Variants in VTI1A observed in about 807,000 individuals in gnomAD.
VTI1A encodes vesicle transport through interaction with t-SNAREs homolog 1A.
VTI1A carries 22 observed loss-of-function variants against 34.9 expected under a neutral mutation model. That is an observed-to-expected ratio of 0.63 (90% CI 0.45 to 0.90). The LOEUF is 0.90. Ranked by LOEUF, VTI1A falls within the 40% of genes least tolerant of loss-of-function variation. VTI1A has a pLI of 0.00. For synonymous variants in VTI1A, 87 were observed against 97.3 expected, an observed-to-expected ratio of 0.89 and a Z score of 0.62; for missense variants, 268 against 275.6, an observed-to-expected ratio of 0.97 and a Z score of 0.20.
chr10:112,502,538 A>C (rs995515440), intron 3 of VTI1A, among the ~76,000 whole-genome samples: 2 of 152,200 alleles, frequency 1.3e-5, no homozygotes, highest in African/African-American at 4.8e-5. Context: ...ACGTCTGCAG[A>C]TGTTTATGTG....
At chr10:112,720,636 T>A (rs1849770261) in intron 7 of VTI1A, among the ~76,000 whole-genome samples, 1 of 151,836 alleles carries the variant, frequency 6.6e-6, no homozygotes, top group Non-Finnish European at 1.5e-5. Context: ...AATGTATACG[T>A]TGAAGATGTT....
At chr10:112,516,874 A>G (rs1273168277) in intron 3 of VTI1A, among the ~76,000 whole-genome samples, 2 of 152,090 alleles carry the variant, frequency 1.3e-5, no homozygotes, top group South Asian at 2.1e-4. Flanking sequence ...GGAAAACAGG[A>G]GGTGGAGCAT....
chr10:112,548,694 C>T, intron 5 of VTI1A: 1 of 1,272,416 alleles, frequency 7.9e-7, no homozygotes, highest in Non-Finnish European at 1.1e-6. Flanking sequence ...TTCTTGTCCA[C>T]TGCTTTGATG....
chr10:112,607,994 AT>A (rs1246198132), intron 5 of VTI1A, among the ~76,000 whole-genome samples: 2 of 152,170 alleles, frequency 1.3e-5, no homozygotes, highest in African/African-American at 4.8e-5. Flanking sequence ...TTGACACCTC[AT>A]CACTTCCGCA....
chr10:112,531,061 CCTCACACACACACACACA>C (rs1210283374), intron 4 of VTI1A, among the ~76,000 whole-genome samples: 10 of 90,320 alleles, frequency 1.1e-4, no homozygotes, highest in East Asian at 3.1e-4. Context: ...ACGTGACACA[CCTCACACACACACACACA>C]CACACACACA....
intron 1 of VTI1A, among the ~76,000 whole-genome samples, chr10:112,456,421 CAA>C (rs71035387): frequency 0.045 from 3,770 of 84,216 alleles, 56 homozygotes; most frequent in Non-Finnish European, 0.058. Flanking sequence ...GAGTCCATCT[CAA>C]AAAAAAAAAA....
intron 7 of VTI1A, among the ~76,000 whole-genome samples, chr10:112,695,353 CTAAT>C (rs1490021577): frequency 2.0e-5 from 3 of 151,420 alleles, no homozygotes; most frequent in African/African-American, 7.3e-5. Flanking sequence ...TAAAAAGCAT[CTAAT>C]TAAGCCTTCA....
At chr10:112,526,856 A>C (rs1850245933) in intron 3 of VTI1A, among the ~76,000 whole-genome samples, 1 of 152,182 alleles carries the variant, frequency 6.6e-6, no homozygotes, top group Non-Finnish European at 1.5e-5. Context: ...GTTTATGAAT[A>C]GAATACACAA....
chr10:112,496,127 C>A (rs1368537102), intron 3 of VTI1A, among the ~76,000 whole-genome samples: 1 of 134,066 alleles, frequency 7.5e-6, no homozygotes, highest in Admixed American at 8.2e-5. Context: ...GGAGGCCAGG[C>A]CTAAGTGGGA....
chr10:112,780,074 C>G (rs1351571333), intron 7 of VTI1A, among the ~76,000 whole-genome samples: 1 of 146,372 alleles, frequency 6.8e-6, no homozygotes, highest in African/African-American at 2.6e-5. Context: ...GCCAGGCATT[C>G]GAGACCAGTC....
intron 7 of VTI1A, among the ~76,000 whole-genome samples, chr10:112,797,239 G>A (rs184193108): frequency 1.5e-3 from 222 of 152,250 alleles, no homozygotes; most frequent in African/African-American, 4.8e-3. Context: ...AATGGCCTCA[G>A]CTATGATTGT....
At chr10:112,846,109 G>A in the VTI1A span, among the ~76,000 whole-genome samples, 27,486 of 152,172 alleles carry the variant, frequency 0.18, 3,279 homozygotes, top group Middle Eastern at 0.28. Context: ...GGGAACTTGC[G>A]TAACAGATAG....
At chr10:112,744,488 T>G (rs1326558770) in intron 7 of VTI1A, among the ~76,000 whole-genome samples, 7 of 135,266 alleles carry the variant, frequency 5.2e-5, no homozygotes. Flanking sequence ...TGAGACAGAG[T>G]CTGTCGCCCA....
chr10:112,776,904 C>T (rs1044184413), intron 7 of VTI1A, among the ~76,000 whole-genome samples: 28 of 152,086 alleles, frequency 1.8e-4, no homozygotes, highest in Non-Finnish European at 3.2e-4. Flanking sequence ...TCTTGAACTC[C>T]TGACCTCAGG....
At chr10:112,611,459 C>A (rs1845306040) in intron 5 of VTI1A, among the ~76,000 whole-genome samples, 1 of 152,156 alleles carries the variant, frequency 6.6e-6, no homozygotes, top group African/African-American at 2.4e-5. Flanking sequence ...ACATATTATT[C>A]TGATCACTTG....
At chr10:112,531,106 TGCGCACGTGCGC>T (rs1199635295) in intron 4 of VTI1A, among the ~76,000 whole-genome samples, 25 of 47,700 alleles carry the variant, frequency 5.2e-4, no homozygotes, top group African/African-American at 1.5e-3. Context: ...CACACACACG[TGCGCACGTGCGC>T]GCGCGCGCAT....
intron 1 of VTI1A, among the ~76,000 whole-genome samples, 191 bp from the exon 2 acceptor site, chr10:112,460,333 A>T (rs1266192985): frequency 6.6e-6 from 1 of 152,178 alleles, no homozygotes; most frequent in African/African-American, 2.4e-5. Context: ...CTATCAGATT[A>T]TATGTTTCTA....
the VTI1A span, among the ~76,000 whole-genome samples, chr10:112,844,554 A>G: frequency 3.6e-4 from 55 of 152,118 alleles, no homozygotes; most frequent in Non-Finnish European, 7.1e-4. Context: ...GCCCACCACC[A>G]CGCCCGGCTA....
chr10:112,785,332 A>C (rs748290408), intron 7 of VTI1A, among the ~76,000 whole-genome samples: 1 of 152,216 alleles, frequency 6.6e-6, no homozygotes, highest in African/African-American at 2.4e-5. Flanking sequence ...CCCCTCCCCA[A>C]CAAAGGCAGC....
Sources: gnomAD v4.1 joint callset for allele counts (sites outside exome capture counted in the v4.1 genomes callset) on GRCh38, gnomAD v4.1.1 for gene constraint, MANE v1.5 for transcripts, NCBI Gene and HGNC (gene_info 2026-07-23, HGNC 2026-07-21) for gene names.